The following SDK2 variants were observed in gnomAD, a reference collection of about 807,000 sequenced individuals.
SDK2 encodes the protein protein sidekick-2.
A neutral mutation model predicts 253.9 loss-of-function variants in SDK2; 105 were observed. The observed-to-expected ratio is 0.41, with a 90% CI of 0.35 to 0.49. The LOEUF (loss-of-function observed/expected upper bound fraction) is 0.49. Among genes scored for constraint, SDK2 ranks in the 20% least tolerant of loss-of-function variants. SDK2 has a pLI of 0.06. For synonymous variants in SDK2, 1,249 were observed against 1,234.9 expected, an observed-to-expected ratio of 1.01 and a Z score of -0.24; for missense variants, 2,608 against 3,003.0, an observed-to-expected ratio of 0.87 and a Z score of 3.07.
intron 1 of SDK2, among the ~76,000 whole-genome samples, chr17:73,610,477 T>C (rs1456792869): frequency 6.6e-6 from 1 of 152,152 alleles, no homozygotes; most frequent in Non-Finnish European, 1.5e-5. Flanking sequence ...CAAATCCCAG[T>C]GACAGCATGC....
intron 2 of SDK2, among the ~76,000 whole-genome samples, chr17:73,483,655 G>A (rs2063746789): frequency 5.2e-5 from 2 of 38,802 alleles, no homozygotes; most frequent in African/African-American, 1.7e-4. Flanking sequence ...GTGTGTGTGT[G>A]TGTGTGTATA....
In SDK2 at chr17:73,618,330, C is replaced by G. The variant is rs1002057436; in HGVS notation, c.64+25695G>C. On this transcript the variant is annotated intron_variant, in intron 1 of 44. Transcript: ENST00000392650. The surrounding 1 kb of genome is among the most constrained non-coding windows in gnomAD (Gnocchi z 4.1). ...TGGCCGTTCATGCCAACTGGCCTCT[C>G]CCCATGGAGAGGGAGAGCTCGCTGT... Among the ~76,000 whole-genome samples, 4 of 152,182 alleles carry G rather than the reference C, an allele frequency of 2.6e-5. No homozygotes were observed. Among genetic ancestry groups the G allele is most frequent in the Non-Finnish European group, 5.9e-5 (4 of 68,032 alleles).
At chr17:73,429,525 G>T (rs1219186509) in intron 12 of SDK2, among the ~76,000 whole-genome samples, 2 of 152,222 alleles carry the variant, frequency 1.3e-5, no homozygotes, top group Non-Finnish European at 2.9e-5. Context: ...TCATTTGGGG[G>T]TGGCTGTACA....
chr17:73,412,160 A>G (rs62072154), intron 18 of SDK2, among the ~76,000 whole-genome samples: 60,183 of 94,820 alleles, frequency 0.63, 14,006 homozygotes, highest in Non-Finnish European at 0.68. Flanking sequence ...ATACGTATAT[A>G]TGTATATACA....
At chr17:73,393,850 A>G in intron 26 of SDK2, 101 bp from the exon 27 acceptor site, 3 of 907,032 alleles carry the variant, frequency 3.3e-6, no homozygotes, top group South Asian at 2.3e-5. Context: ...TGTGTCACAC[A>G]TCTCCCAACT....
chr17:73,461,237 A>G (rs1188721752), intron 3 of SDK2, among the ~76,000 whole-genome samples: 1 of 152,234 alleles, frequency 6.6e-6, no homozygotes, highest in African/African-American at 2.4e-5. Context: ...GCCAGCATTC[A>G]CCACTTCCCT....
At chr17:73,414,233 A>G (rs2063161915) in intron 18 of SDK2, among the ~76,000 whole-genome samples, 1 of 151,898 alleles carries the variant, frequency 6.6e-6, no homozygotes, top group Non-Finnish European at 1.5e-5. Context: ...TATTTTTAGT[A>G]GAGACGGAGT....
intron 18 of SDK2, among the ~76,000 whole-genome samples, chr17:73,412,146 ATATATACGTATATATG>A (rs1449293825): frequency 4.7e-4 from 4 of 8,452 alleles, no homozygotes; most frequent in Non-Finnish European, 1.4e-3. Context: ...GTGTATATGT[ATATATACGTATATATG>A]TATATACACA....
In SDK2 at chr17:73,338,992, T is replaced by C. The variant is rs747098759; in HGVS notation, c.6166-52A>G. The C allele has an allele frequency of 1.6e-5, 24 of 1,536,390 alleles. No homozygotes were observed. The highest frequency in any genetic ancestry group is 6.8e-5 in the Admixed American group (4 of 58,884). ...TCAGTGGCCCCGTAGGGACAGGCCA[T>C]TGTGGTTGGGGCCGGAAGGCACAGG... On this transcript the variant is annotated intron_variant, in intron 44 of 44. Coordinates refer to ENST00000392650, the MANE Select transcript of SDK2 (RefSeq NM_001144952.2). The surrounding 1 kb of genome is among the most constrained non-coding windows in gnomAD (Gnocchi z 5.0).
chr17:73,573,698 A>G (rs529452539), intron 1 of SDK2, among the ~76,000 whole-genome samples: 1 of 152,312 alleles, frequency 6.6e-6, no homozygotes, highest in South Asian at 2.1e-4. Flanking sequence ...CCTGAGCCTT[A>G]GCCCCACATG....
At chr17:73,641,988 C>A (rs533268725) in intron 1 of SDK2, among the ~76,000 whole-genome samples, 3 of 152,150 alleles carry the variant, frequency 2.0e-5, no homozygotes, top group Admixed American at 2.0e-4. Flanking sequence ...AGAACACGAG[C>A]GGAGCAGCAG....
At chr17:73,544,283 A>G (rs2044919867) in intron 1 of SDK2, among the ~76,000 whole-genome samples, 1 of 152,148 alleles carries the variant, frequency 6.6e-6, no homozygotes, top group Non-Finnish European at 1.5e-5. Flanking sequence ...TGGACTCCCC[A>G]GTGGATGGGC....
chr17:73,349,030 T>C (rs914846770), intron 43 of SDK2, among the ~76,000 whole-genome samples: 4 of 152,152 alleles, frequency 2.6e-5, no homozygotes, highest in Non-Finnish European at 4.4e-5. Context: ...GCAAACGGGA[T>C]TTTTGTGTAC....
At chr17:73,539,861 G>A (rs576534308) in intron 1 of SDK2, among the ~76,000 whole-genome samples, 40 of 152,128 alleles carry the variant, frequency 2.6e-4, no homozygotes, top group African/African-American at 6.3e-4. Context: ...GGAGTCATGC[G>A]GCTGTGAGCT....
chr17:73,642,822 C>T lies in SDK2; in HGVS notation c.64+1203G>A, dbSNP rs575419314. ...TATGTAAATTACCTCGTAAAATCCT[C>T]CCCTCAGCCCTGTGAGTGAGAGCTG... On this transcript the variant is annotated intron_variant, in intron 1 of 44. Transcript: ENST00000392650. This position sits in a 1 kb window ranked among gnomAD's most constrained non-coding sequence, Gnocchi z 4.7. 2.0e-5 allele frequency among the ~76,000 whole-genome samples: 3 copies of T among 152,302 alleles called. No individual in the cohort carries two copies. The highest frequency in any genetic ancestry group is 1.3e-4 in the Admixed American group (2 of 15,304).
chr17:73,550,879 A>G (rs1217047504), intron 1 of SDK2, among the ~76,000 whole-genome samples: 1 of 152,054 alleles, frequency 6.6e-6, no homozygotes, highest in Non-Finnish European at 1.5e-5. Flanking sequence ...GTCCACAGGG[A>G]GCTGGAGTCA....
At chr17:73,480,549 T>C (rs562285242) in intron 2 of SDK2, among the ~76,000 whole-genome samples, 2 of 152,266 alleles carry the variant, frequency 1.3e-5, no homozygotes, top group Admixed American at 1.3e-4. Flanking sequence ...ACCTGTTCGG[T>C]ATGATCAAGT....
At chr17:73,360,762 CCT>C (rs570964363) in intron 39 of SDK2, among the ~76,000 whole-genome samples, 91 of 150,644 alleles carry the variant, frequency 6.0e-4, no homozygotes, top group African/African-American at 2.1e-3. Context: ...CTGGCCAAAC[CCT>C]GTCTCTACTA....
intron 1 of SDK2, among the ~76,000 whole-genome samples, chr17:73,614,927 C>T (rs542076471): frequency 2.9e-4 from 44 of 150,554 alleles, no homozygotes; most frequent in African/African-American, 1.0e-3. Context: ...ACCTCAGCAT[C>T]ACACAATATA....
Sources: allele counts gnomAD v4.1 joint callset (sites outside exome capture counted in the v4.1 genomes callset), GRCh38; gene constraint gnomAD v4.1.1; non-coding constraint Gnocchi (gnomAD v3.1); transcripts MANE v1.5; gene names NCBI Gene and HGNC (gene_info 2026-07-23, HGNC 2026-07-21).